Variants in GAS7 observed in about 807,000 individuals in gnomAD.
The protein encoded by GAS7 is growth arrest-specific protein 7.
Under a neutral mutation model 71.1 loss-of-function variants are expected in GAS7, and 28 were observed. That is an observed-to-expected ratio of 0.39 (90% CI 0.29 to 0.54). The LOEUF (loss-of-function observed/expected upper bound fraction) is 0.54, where lower values mean the gene tolerates loss of function less well. Among genes scored for constraint, GAS7 ranks in the 20% least tolerant of loss-of-function variants. The pLI is 0.62. For missense variants in GAS7, 436 were observed against 627.8 expected, an observed-to-expected ratio of 0.69 and a Z score of 3.27; for synonymous variants, 258 against 245.8, an observed-to-expected ratio of 1.05 and a Z score of -0.46.
chr17:10,051,998 A>G (rs2073068760), intron 1 of GAS7, among the ~76,000 whole-genome samples: 1 of 152,142 alleles, frequency 6.6e-6, no homozygotes, highest in Admixed American at 6.5e-5. Flanking sequence ...TTTGACCCTT[A>G]TAAAAACCCT....
intron 3 of GAS7, among the ~76,000 whole-genome samples, chr17:9,973,314 G>GC (rs1461634799): frequency 6.6e-6 from 1 of 151,730 alleles, no homozygotes; most frequent in African/African-American, 2.4e-5. Context: ...GAGTGCAGTG[G>GC]GCGATCTCGG....
rs1164151104 is a variant in GAS7, at chr17:10,167,044, C to CTTTTT, written c.183+31159_183+31163dup. Among the ~76,000 whole-genome samples the CTTTTT allele has an allele frequency of 9.3e-3, 549 of 58,768 alleles. 87 individuals are homozygous for CTTTTT. The highest frequency in any genetic ancestry group is 0.025 in the East Asian group (50 of 1,966). 38.6% of individuals were successfully genotyped at this position (58,768 alleles called of 152,430 possible). ...AAACCAATCTACTATTTCCATTTGTCTTTTTTTTTTTTTTTTTTTTTTTTT... is the reference window on the plus strand; with the variant it reads ...AAACCAATCTACTATTTCCATTTGTCTTTTTTTTTTTTTTTTTTTTTTTTTTTTTT... On this transcript the variant is annotated intron_variant, in intron 1 of 13. Coordinates refer to ENST00000432992, the MANE Select transcript of GAS7 (RefSeq NM_201433.2).
At chr17:10,196,289 CCT>C (rs2074539978) in intron 1 of GAS7, among the ~76,000 whole-genome samples, 2 of 152,182 alleles carry the variant, frequency 1.3e-5, no homozygotes, top group African/African-American at 4.8e-5. Flanking sequence ...GCTGACTTCG[CCT>C]CTCTCATATT....
Position 10,100,833 on chromosome 17 carries a change from G to A in GAS7, c.184-80936C>T, listed in dbSNP as rs739355. Among the ~76,000 whole-genome samples the A allele has an allele frequency of 8.6e-3, 1,317 of 152,314 alleles. 15 individuals carry two copies. The highest frequency in any genetic ancestry group is 0.03 in the African/African-American group (1,252 of 41,554). On this transcript the variant is annotated intron_variant, in intron 1 of 13. Transcript: ENST00000432992. ...AAGCGGGATAAAAAGGGTTTTCTGA[G>A]AAGATTGCTAAGCTAGAAAATGAAG...
chr17:9,977,840 A>C (rs1385008400), intron 3 of GAS7, among the ~76,000 whole-genome samples: 1 of 152,202 alleles, frequency 6.6e-6, no homozygotes, highest in Non-Finnish European at 1.5e-5. Flanking sequence ...AGTATCCAAC[A>C]AACCTGCACT....
Position 10,085,706 on chromosome 17 carries a change from A to AAAAAAAAAAAAAG in GAS7, c.184-65810_184-65809insCTTTTTTTTTTTT, listed in dbSNP as rs1555531934. On this transcript the variant is annotated intron_variant, in intron 1 of 13. Transcript: ENST00000432992. ...GATTCCGTCTCAAAAAAAAAAAAAA[A>AAAAAAAAAAAAAG]AAAGAAAGAAAGAAAGAAAGAAAGA... Among the ~76,000 whole-genome samples, 7 of 134,946 alleles carry AAAAAAAAAAAAAG rather than the reference A, an allele frequency of 5.2e-5. No individual in the cohort carries two copies. In the South Asian group the frequency reaches 1.3e-3, roughly 26 times the overall value. The allele number at this position is 134,946 out of a possible 152,430, so 88.5% of individuals were successfully genotyped here.
chr17:10,065,674 G>T (rs1004156968), intron 1 of GAS7, among the ~76,000 whole-genome samples: 4 of 152,238 alleles, frequency 2.6e-5, no homozygotes, highest in Admixed American at 2.6e-4. Flanking sequence ...CATTGTACCT[G>T]CAAAGACTCT....
At chr17:10,087,474 A>G (rs2073531678) in intron 1 of GAS7, among the ~76,000 whole-genome samples, 1 of 152,266 alleles carries the variant, frequency 6.6e-6, no homozygotes, top group Admixed American at 6.5e-5. Flanking sequence ...GCCAGCAGCC[A>G]TGGTTGCATG....
Position 10,188,841 on chromosome 17 carries a change from C to T in GAS7, c.183+9367G>A, listed in dbSNP as rs114493298. On this transcript the variant is annotated intron_variant, in intron 1 of 13. Transcript: ENST00000432992. Reference sequence around the variant, plus strand: ...TTTATAGAGAAAAAATTTGGGTTTCCCCATGTTGCCCAGGCTGGTCTTGAA... The same window carrying T: ...TTTATAGAGAAAAAATTTGGGTTTCTCCATGTTGCCCAGGCTGGTCTTGAA... Among the ~76,000 whole-genome samples, 712 of 152,108 alleles carry T rather than the reference C, an allele frequency of 4.7e-3. 8 individuals are homozygous for T. The highest frequency in any genetic ancestry group is 0.016 in the African/African-American group (675 of 41,466).
chr17:10,108,071 G>C (rs923387129), intron 1 of GAS7, among the ~76,000 whole-genome samples: 2 of 152,174 alleles, frequency 1.3e-5, no homozygotes, highest in South Asian at 4.1e-4. Flanking sequence ...TAGTCCAGAG[G>C]GGGTCTGGGC....
chr17:10,190,635 G>C (rs1338635738), intron 1 of GAS7, among the ~76,000 whole-genome samples: 1 of 151,844 alleles, frequency 6.6e-6, no homozygotes, highest in Non-Finnish European at 1.5e-5. Context: ...AAGGGACGAG[G>C]CTTGCTAGCC....
chr17:10,195,779 C>T (rs2074536110), intron 1 of GAS7, among the ~76,000 whole-genome samples: 1 of 152,134 alleles, frequency 6.6e-6, no homozygotes, highest in African/African-American at 2.4e-5. Flanking sequence ...TCACCCCATC[C>T]CAAGCAACTC....
chr17:9,957,310 A>G (rs2069283531), intron 5 of GAS7, among the ~76,000 whole-genome samples: 1 of 152,186 alleles, frequency 6.6e-6, no homozygotes, highest in Admixed American at 6.5e-5. Flanking sequence ...ATGAGAAGCA[A>G]TGATATGGCT....
At chr17:10,123,676 C>T (rs898232246) in intron 1 of GAS7, among the ~76,000 whole-genome samples, 7 of 152,258 alleles carry the variant, frequency 4.6e-5, no homozygotes, top group African/African-American at 1.4e-4. Context: ...GCCACCAGCC[C>T]TCACCTAGAG....
chr17:10,039,855 G>C lies in GAS7; in HGVS notation c.184-19958C>G, dbSNP rs565366432. The C allele has an allele frequency of 2.9e-3, 1,225 of 417,924 alleles. 23 individuals are homozygous for C. Among genetic ancestry groups the C allele is most frequent in the South Asian group, 0.014 (809 of 59,790 alleles). 25.9% of individuals were successfully genotyped at this position (417,924 alleles called of 1,614,324 possible). ...GTGGCACCCTCTGGGGCTCCCAGAGGGGGTGACAATGTGCCTTTCCCTTGG... is the reference window on the plus strand; with the variant it reads ...GTGGCACCCTCTGGGGCTCCCAGAGCGGGTGACAATGTGCCTTTCCCTTGG... On this transcript the variant is annotated intron_variant, in intron 1 of 13. Transcript: ENST00000432992.
At chr17:10,006,417 C>T (rs1053982625) in intron 2 of GAS7, among the ~76,000 whole-genome samples, 2 of 148,560 alleles carry the variant, frequency 1.3e-5, no homozygotes, top group Non-Finnish European at 3.0e-5. Context: ...GCAAGCTCCA[C>T]CTCCTGGGTC....
intron 5 of GAS7, among the ~76,000 whole-genome samples, chr17:9,955,267 T>TC (rs1219118577): frequency 6.6e-6 from 1 of 152,016 alleles, no homozygotes; most frequent in Admixed American, 6.5e-5. Flanking sequence ...ATTCCTGTCC[T>TC]CCCCCCGGTT....
At chr17:9,962,148 A>G (rs1297147735) in intron 4 of GAS7, among the ~76,000 whole-genome samples, 2 of 152,174 alleles carry the variant, frequency 1.3e-5, no homozygotes, top group African/African-American at 4.8e-5. Context: ...CTGAGGGCCA[A>G]GGTAGATCAC....
intron 2 of GAS7, among the ~76,000 whole-genome samples, chr17:10,002,714 T>C (rs1047787697): frequency 1.3e-5 from 2 of 152,212 alleles, no homozygotes; most frequent in Non-Finnish European, 2.9e-5. Flanking sequence ...TCCAGCTTCA[T>C]CCATGTCCCT....
Sources: gnomAD v4.1 joint callset for allele counts (sites outside exome capture counted in the v4.1 genomes callset) on GRCh38, gnomAD v4.1.1 for gene constraint, MANE v1.5 for transcripts, NCBI Gene and HGNC (gene_info 2026-07-23, HGNC 2026-07-21) for gene names.